Variants in CTNNA3 observed in about 807,000 individuals in gnomAD.
CTNNA3 encodes catenin alpha 3, also known as catenin alpha-3.
CTNNA3 carries 76 observed loss-of-function variants against 95.7 expected under a neutral mutation model. That is an observed-to-expected ratio of 0.79 (90% CI 0.66 to 0.96). The LOEUF (loss-of-function observed/expected upper bound fraction) is 0.96, where lower values mean the gene tolerates loss of function less well. CTNNA3 is among the 40% of genes least tolerant of loss of function. The probability of loss-of-function intolerance (pLI) is 0.00; values close to 1 mark genes in which losing one functional copy is unlikely to be tolerated. For synonymous variants in CTNNA3, 431 were observed against 374.4 expected, an observed-to-expected ratio of 1.15 and a Z score of -1.74; for missense variants, 1,191 against 1,089.8, an observed-to-expected ratio of 1.09 and a Z score of -1.31.
intron 15 of CTNNA3, among the ~76,000 whole-genome samples, chr10:66,027,072 G>A (rs143790146): frequency 6.6e-6 from 1 of 151,924 alleles, no homozygotes; most frequent in African/African-American, 2.4e-5. Flanking sequence ...TAATTTTTTA[G>A]CTGTGGTTTT....
intron 5 of CTNNA3, among the ~76,000 whole-genome samples, chr10:67,495,712 G>A (rs1030588792): frequency 1.3e-5 from 2 of 152,130 alleles, no homozygotes; most frequent in African/African-American, 4.8e-5. Flanking sequence ...AAAATATCAA[G>A]AATTTGCCAT....
intron 5 of CTNNA3, among the ~76,000 whole-genome samples, chr10:67,307,683 T>C (rs888982143): frequency 2.0e-5 from 3 of 152,200 alleles, no homozygotes; most frequent in African/African-American, 7.2e-5. Context: ...TATTGAGTCC[T>C]GCTTTGCCTA....
rs150380406 is a variant in CTNNA3 at position 67,186,974 on chromosome 10, C to T, written c.844-6454G>A. 1.8e-4 allele frequency among the ~76,000 whole-genome samples: 27 copies of T among 152,180 alleles called. No individual in the cohort carries two copies. In the East Asian group the frequency reaches 4.2e-3, roughly 24 times the overall value. The stretch of plus-strand genomic sequence containing the variant: ...CAGATAGCCTGGGTTTGAATCCTGG[C>T]GCATAGCTATAAACAAATATATTTG... On this transcript the variant is annotated intron_variant, in intron 6 of 17. Transcript: ENST00000433211.
At chr10:66,860,277 C>CA (rs1843864962) in intron 7 of CTNNA3, among the ~76,000 whole-genome samples, 1 of 151,964 alleles carries the variant, frequency 6.6e-6, no homozygotes. Context: ...AATTTCTTGC[C>CA]AAAATCAAGA....
At chr10:66,186,393 C>T (rs2131870955) in intron 13 of CTNNA3, among the ~76,000 whole-genome samples, 1 of 151,818 alleles carries the variant, frequency 6.6e-6, no homozygotes, top group Admixed American at 6.6e-5. Flanking sequence ...CTAGTGATGT[C>T]AGTGTTATAA....
intron 5 of CTNNA3, among the ~76,000 whole-genome samples, chr10:67,481,007 G>A (rs1848202880): frequency 6.6e-6 from 1 of 152,172 alleles, no homozygotes; most frequent in African/African-American, 2.4e-5. Flanking sequence ...TTATCATGAA[G>A]CAGTGTTAGA....
chr10:66,721,438 G>A (rs1476768021), intron 9 of CTNNA3, among the ~76,000 whole-genome samples: 1 of 152,106 alleles, frequency 6.6e-6, no homozygotes, highest in Admixed American at 6.6e-5. Context: ...TATAAATAAA[G>A]AAACATTTAT....
chr10:66,616,023 A>T (rs1292283971), intron 10 of CTNNA3, among the ~76,000 whole-genome samples: 1 of 152,054 alleles, frequency 6.6e-6, no homozygotes, highest in African/African-American at 2.4e-5. Context: ...AAGTGGAGCA[A>T]GGATTAAGCC....
chr10:66,338,265 A>C (rs1230270116), intron 12 of CTNNA3, among the ~76,000 whole-genome samples: 1 of 152,004 alleles, frequency 6.6e-6, no homozygotes, highest in South Asian at 2.1e-4. Flanking sequence ...AAACTCACCA[A>C]AAGTAGATAA....
In CTNNA3 at chr10:66,064,962, TA is replaced by T. The variant is rs575833924; in HGVS notation, c.2159+4345del. ...CACATGCTGTTATAAATTCTGGGTA[TA>T]AAAAAAGGCAAATTTCATACATTCA... On this transcript the variant is annotated intron_variant, in intron 15 of 17. Coordinates refer to ENST00000433211, the MANE Select transcript of CTNNA3 (RefSeq NM_013266.4). Among the ~76,000 whole-genome samples, 399 of 152,196 alleles carry T rather than the reference TA, an allele frequency of 2.6e-3. 6 individuals are homozygous for T. Among genetic ancestry groups the T allele is most frequent in the African/African-American group, 9.1e-3 (378 of 41,548 alleles).
At chr10:66,756,458 T>C (rs1199687085) in intron 9 of CTNNA3, among the ~76,000 whole-genome samples, 1 of 152,160 alleles carries the variant, frequency 6.6e-6, no homozygotes, top group Non-Finnish European at 1.5e-5. Flanking sequence ...TTAAAAAGCA[T>C]CAAATCTAAC....
At chr10:66,357,166 T>C (rs577250018) in intron 12 of CTNNA3, among the ~76,000 whole-genome samples, 164 of 152,254 alleles carry the variant, frequency 1.1e-3, no homozygotes, top group African/African-American at 3.8e-3. Flanking sequence ...TGAAATTATA[T>C]TTAATGTAAT....
chr10:66,316,316 G>A (rs151318029), intron 12 of CTNNA3, among the ~76,000 whole-genome samples: 9 of 152,178 alleles, frequency 5.9e-5, no homozygotes, highest in African/African-American at 2.2e-4. Flanking sequence ...CATGAACAGG[G>A]TGGGCTCCCT....
At chr10:67,063,883 G>A (rs974122490) in intron 7 of CTNNA3, among the ~76,000 whole-genome samples, 12 of 152,062 alleles carry the variant, frequency 7.9e-5, no homozygotes, top group Admixed American at 7.9e-4. Context: ...AAATACTCTG[G>A]CCTCCTCTAG....
intron 5 of CTNNA3, among the ~76,000 whole-genome samples, chr10:67,413,904 T>G (rs1305459385): frequency 6.6e-6 from 1 of 152,006 alleles, no homozygotes; most frequent in Non-Finnish European, 1.5e-5. Flanking sequence ...GGAACACAAC[T>G]TACCAAAATC....
intron 11 of CTNNA3, among the ~76,000 whole-genome samples, chr10:66,409,242 G>C (rs1016181436): frequency 2.0e-5 from 3 of 152,108 alleles, no homozygotes; most frequent in Non-Finnish European, 4.4e-5. Context: ...GAAAGTCTGA[G>C]CAATGAGAAG....
chr10:66,516,860 G>C (rs1252544229), intron 11 of CTNNA3, among the ~76,000 whole-genome samples: 1 of 152,124 alleles, frequency 6.6e-6, no homozygotes, highest in African/African-American at 2.4e-5. Context: ...GTAATGTTTG[G>C]AGATGCAATG....
At chr10:65,920,782 C>T (rs995911139) in intron 17 of CTNNA3, among the ~76,000 whole-genome samples, 165 bp from the exon 18 acceptor site, 4 of 151,970 alleles carry the variant, frequency 2.6e-5, no homozygotes, top group Non-Finnish European at 4.4e-5. Context: ...GCCAAGATGG[C>T]GTCACTGCAC....
At position 66,069,441 on chromosome 10, in the gene CTNNA3, G is replaced by A. The variant is rs766719017; in HGVS notation, c.2026C>T (p.Gln676Ter). Residue 676 changes from glutamine (Q) to a stop codon, truncating the protein, a stop_gained, in exon 15 of 18, where the codon CAA becomes TAA. Coordinates refer to ENST00000433211, the MANE Select transcript of CTNNA3 (RefSeq NM_013266.4). LOFTEE classifies it high-confidence loss of function. ...PEAEKEKIAE[Q>*]VADFKKVKSK... is the part of the protein sequence containing the mutation. ...TTTACTTTCTTGAAATCAGCAACTTGCTCAGCAATCTTTTCTTTTTCTGCC... is the reference window on the plus strand; with the variant it reads ...TTTACTTTCTTGAAATCAGCAACTTACTCAGCAATCTTTTCTTTTTCTGCC... The A allele has an allele frequency of 6.2e-7, 1 of 1,613,058 alleles. No individual in the cohort carries two copies. Among genetic ancestry groups the A allele is most frequent in the Admixed American group, 1.7e-5 (1 of 59,906 alleles).
Sources: allele counts gnomAD v4.1 joint callset (sites outside exome capture counted in the v4.1 genomes callset), GRCh38; gene constraint gnomAD v4.1.1; transcripts MANE v1.5; gene names NCBI Gene and HGNC (gene_info 2026-07-23, HGNC 2026-07-21).